Variants in SYNE1 observed in about 807,000 individuals in gnomAD.
The protein encoded by SYNE1 is spectrin repeat containing nuclear envelope protein 1.
In SYNE1, 616 loss-of-function variants were observed where a neutral mutation model predicts 1,111.0. The ratio of observed to expected loss-of-function variants is 0.55; its 90% CI spans 0.52 to 0.59. The LOEUF is 0.59. Ranked by LOEUF, SYNE1 falls within the 20% of genes least tolerant of loss-of-function variation. The pLI is 0.00. For synonymous variants in SYNE1, 3,855 were observed against 3,825.8 expected, an observed-to-expected ratio of 1.01 and a Z score of -0.28; for missense variants, 10,006 against 10,417.0, an observed-to-expected ratio of 0.96 and a Z score of 1.72.
chr6:152,299,581 T>A (rs1284981730), intron 93 of SYNE1, among the ~76,000 whole-genome samples: 1 of 152,180 alleles, frequency 6.6e-6, no homozygotes, highest in East Asian at 1.9e-4. Context: ...GGTGTCAGAA[T>A]GTACTTGACA....
intron 97 of SYNE1, 105 bp from the exon 98 acceptor site, chr6:152,278,385 C>T (rs1692423960): frequency 1.5e-6 from 2 of 1,338,566 alleles, no homozygotes; most frequent in Admixed American, 1.7e-5. Context: ...ACGAAACGGA[C>T]AGGCTTTCAT....
At chr6:152,635,871 G>A (rs1300434043) in intron 2 of SYNE1, among the ~76,000 whole-genome samples, 2 of 152,182 alleles carry the variant, frequency 1.3e-5, no homozygotes, top group East Asian at 3.9e-4. Flanking sequence ...TACGGAAGGG[G>A]GCAGAACTTC....
At chr6:152,563,003 A>T (rs1391718192) in intron 3 of SYNE1, among the ~76,000 whole-genome samples, 1 of 152,048 alleles carries the variant, frequency 6.6e-6, no homozygotes, top group Non-Finnish European at 1.5e-5. Context: ...CCACACATTC[A>T]TCTTTTGGTA....
chr6:152,192,932 T>C (rs554372869), intron 127 of SYNE1, among the ~76,000 whole-genome samples: 1 of 152,252 alleles, frequency 6.6e-6, no homozygotes, highest in East Asian at 1.9e-4. Flanking sequence ...TTTCCATCCC[T>C]TTATTTTCAG....
intron 3 of SYNE1, among the ~76,000 whole-genome samples, chr6:152,600,060 A>G (rs1341254206): frequency 6.6e-6 from 1 of 152,214 alleles, no homozygotes; most frequent in Non-Finnish European, 1.5e-5. Context: ...AGAGCCAGCA[A>G]AGTCCAGTAA....
chr6:152,513,525 A>G (rs2099096345), intron 6 of SYNE1, among the ~76,000 whole-genome samples: 1 of 152,064 alleles, frequency 6.6e-6, no homozygotes, highest in South Asian at 2.1e-4. Flanking sequence ...GTAGAGATGA[A>G]GTTTTGCCAT....
At chr6:152,379,915 A>T (rs913276916) in intron 56 of SYNE1, among the ~76,000 whole-genome samples, 4 of 152,248 alleles carry the variant, frequency 2.6e-5, no homozygotes, top group African/African-American at 9.6e-5. Flanking sequence ...ATAGAAAGAA[A>T]GGGAAAGAAA....
chr6:152,347,355 A>C, intron 72 of SYNE1, 120 bp from the exon 73 acceptor site: 2 of 1,192,424 alleles, frequency 1.7e-6, no homozygotes, highest in Non-Finnish European at 2.4e-6. Context: ...CTTGCAATTT[A>C]CCTTAGTTAT....
intron 3 of SYNE1, among the ~76,000 whole-genome samples, chr6:152,568,637 G>A (rs892400308): frequency 6.6e-6 from 1 of 151,918 alleles, no homozygotes; most frequent in Non-Finnish European, 1.5e-5. Flanking sequence ...GTCTCTCTAT[G>A]TACCCAAAAT....
At position 152,136,601 on chromosome 6, in the gene SYNE1, C is replaced by A. The variant is rs1210649008; in HGVS notation, c.25659+17G>T. 5.6e-6 allele frequency: 9 copies of A among 1,612,368 alleles called. No homozygotes were observed. The Admixed American group carries it at 1.5e-4, about 27-fold the overall frequency. On this transcript the variant is annotated intron_variant, in intron 141 of 145. Transcript: ENST00000367255. The stretch of plus-strand genomic sequence containing the variant: ...ATGTCTCTCTCTGAGTCACCTCCTG[C>A]CCAAAGCTCTACAGACCTGGCACTG...
intron 62 of SYNE1, 30 bp from the exon 63 acceptor site, chr6:152,365,049 C>A (rs934726910): frequency 1.2e-6 from 2 of 1,613,100 alleles, no homozygotes; most frequent in South Asian, 1.1e-5. Context: ...AGTCCTTTGT[C>A]ATTTGTATGT....
chr6:152,167,069 C>T (rs1033149982), intron 130 of SYNE1, among the ~76,000 whole-genome samples: 5 of 152,120 alleles, frequency 3.3e-5, no homozygotes, highest in African/African-American at 7.2e-5. Flanking sequence ...TACTTGCAGA[C>T]GTCACATGTC....
At chr6:152,318,842 C>T in intron 85 of SYNE1, 21 bp downstream of exon 85, 2 of 1,613,720 alleles carry the variant, frequency 1.2e-6, no homozygotes, top group Non-Finnish European at 1.7e-6. Flanking sequence ...CAGTAGTACC[C>T]TTTAAAATTC....
In SYNE1 at chr6:152,213,744, A is replaced by T. The variant is rs371289584; in HGVS notation, c.22362T>A (p.Phe7454Leu). 1.5e-5 allele frequency: 25 copies of T among 1,614,010 alleles called. No individual in the cohort carries two copies. Among genetic ancestry groups the T allele is most frequent in the Non-Finnish European group, 2.1e-5 (25 of 1,179,996 alleles). The change falls in exon 123 of 146, where the codon TTT (phenylalanine) becomes TTA (leucine). Residue 7454 changes from phenylalanine (F) to leucine (L), a missense_variant. This residue lies in a region of SYNE1 where 2,182 missense variants were observed against 2,287.8 expected (regional missense o/e 0.95). Coordinates refer to ENST00000367255, the MANE Select transcript of SYNE1 (RefSeq NM_182961.4). ...CCAAGAAAGTCTGATGTTGTAGCAAAAATGACTGCAACTTGCTGAAAGAAC... is the reference window on the plus strand; with the variant it reads ...CCAAGAAAGTCTGATGTTGTAGCAATAATGACTGCAACTTGCTGAAAGAAC... Reference protein sequence around the residue: ...TTERFSKLQSFLLQHQTFLEK... With the variant: ...TTERFSKLQSLLLQHQTFLEK...
At chr6:152,413,238 TA>T in intron 42 of SYNE1, 113 bp downstream of exon 42, 1 of 1,169,198 alleles carries the variant, frequency 8.6e-7, no homozygotes, top group Non-Finnish European at 1.3e-6. Context: ...ACAGAATATC[TA>T]AAATGGTAAA....
At chr6:152,170,322 A>C (rs1176388925) in intron 130 of SYNE1, among the ~76,000 whole-genome samples, 1 of 152,226 alleles carries the variant, frequency 6.6e-6, no homozygotes, top group Non-Finnish European at 1.5e-5. Context: ...TTTCTAAAAG[A>C]ATGAGACTGG....
intron 87 of SYNE1, chr6:152,316,160 CAGAGGAAATG>C (rs2095712583): frequency 1.3e-5 from 2 of 152,238 alleles, no homozygotes; most frequent in South Asian, 4.1e-4. Context: ...CATGTAACTT[CAGAGGAAATG>C]AACTAACATA....
At position 152,343,116 on chromosome 6, in the gene SYNE1, T is replaced by G. The variant is rs186661949; in HGVS notation, c.12225+965A>C. Among the ~76,000 whole-genome samples the G allele has an allele frequency of 7.7e-4, 117 of 151,908 alleles. 2 individuals are homozygous for G. Among genetic ancestry groups the G allele is most frequent in the Admixed American group, 7.7e-3 (117 of 15,206 alleles). On this transcript the variant is annotated intron_variant, in intron 74 of 145. Transcript: ENST00000367255. ...AACAGAATAAATATTAGAATTAATC[T>G]TTGGTTACAGTGCCCATTCTCTTTC...
chr6:152,426,956 G>A (rs554193173), intron 38 of SYNE1, among the ~76,000 whole-genome samples: 1 of 152,318 alleles, frequency 6.6e-6, no homozygotes, highest in South Asian at 2.1e-4. Context: ...TCTTATAAAA[G>A]TTGATGGGAG....
Sources: gnomAD v4.1 joint callset for allele counts (sites outside exome capture counted in the v4.1 genomes callset) on GRCh38, gnomAD v4.1.1 for gene constraint, gnomAD v4.1.1 regional missense constraint, MANE v1.5 for transcripts, NCBI Gene and HGNC (gene_info 2026-07-23, HGNC 2026-07-21) for gene names.